The following HDAC9 variants were observed in gnomAD, a reference collection of about 807,000 sequenced individuals.
The protein encoded by HDAC9 is histone deacetylase 9.
A neutral mutation model predicts 139.4 loss-of-function variants in HDAC9; 41 were observed. That is an observed-to-expected ratio of 0.29 (90% CI 0.23 to 0.38). The LOEUF is 0.38. HDAC9 is among the 10% of genes least tolerant of loss of function. The pLI, the probability that HDAC9 is intolerant of heterozygous loss-of-function variation, is 1.00. For missense variants in HDAC9, 1,147 were observed against 1,297.0 expected (o/e 0.88, Z 1.78); for synonymous variants, 517 against 476.2 (o/e 1.09, Z -1.12).
intron 1 of HDAC9, among the ~76,000 whole-genome samples, chr7:18,090,517 C>T (rs1483553474): frequency 6.6e-6 from 1 of 152,192 alleles, no homozygotes; most frequent in Non-Finnish European, 1.5e-5. Flanking sequence ...CTGGCCTCAC[C>T]CTATCAACTA....
At chr7:18,541,489 C>T (rs1812944203) in intron 2 of HDAC9, among the ~76,000 whole-genome samples, 3 of 152,070 alleles carry the variant, frequency 2.0e-5, no homozygotes, top group Admixed American at 6.5e-5. Flanking sequence ...CTCTCTAATA[C>T]ATTCTTTCCT....
At chr7:18,686,070 A>G (rs939694937) in intron 12 of HDAC9, among the ~76,000 whole-genome samples, 2 of 151,986 alleles carry the variant, frequency 1.3e-5, no homozygotes, top group Non-Finnish European at 2.9e-5. Flanking sequence ...CTGAACTATG[A>G]TAGAGCTCAG....
At chr7:18,401,144 C>T (rs1787502240) in intron 1 of HDAC9, among the ~76,000 whole-genome samples, 2 of 152,170 alleles carry the variant, frequency 1.3e-5, no homozygotes, top group South Asian at 4.1e-4. Flanking sequence ...TTGAAAAGTG[C>T]TTTTAGTTGG....
At chr7:18,179,920 A>G (rs1455723654) in intron 2 of HDAC9, among the ~76,000 whole-genome samples, 1 of 152,080 alleles carries the variant, frequency 6.6e-6, no homozygotes, top group African/African-American at 2.4e-5. Flanking sequence ...CTCAACCGTG[A>G]CCTGTAACTA....
chr7:18,204,872 G>A (rs1426986708), intron 2 of HDAC9, among the ~76,000 whole-genome samples: 1 of 151,790 alleles, frequency 6.6e-6, no homozygotes, highest in Non-Finnish European at 1.5e-5. Flanking sequence ...TTTTCTTAGT[G>A]TTAAAGCTCA....
intron 22 of HDAC9, among the ~76,000 whole-genome samples, chr7:18,924,486 A>C (rs180674790): frequency 1.3e-5 from 2 of 152,222 alleles, no homozygotes; most frequent in East Asian, 3.9e-4. Context: ...GTAGATACTT[A>C]TCTTTTAAAA....
intron 1 of HDAC9, among the ~76,000 whole-genome samples, chr7:18,365,091 A>G (rs1271114612): frequency 6.6e-6 from 1 of 152,118 alleles, no homozygotes; most frequent in Non-Finnish European, 1.5e-5. Context: ...AAACACCTTC[A>G]TAGACTAGTG....
intron 4 of HDAC9, among the ~76,000 whole-genome samples, chr7:18,591,069 GT>G: frequency 6.6e-6 from 1 of 152,066 alleles, no homozygotes; most frequent in Non-Finnish European, 1.5e-5. Flanking sequence ...TGCTCAAAGG[GT>G]TTTTTTAAAA....
chr7:18,985,176 A>T (rs1785238137), intron 25 of HDAC9, among the ~76,000 whole-genome samples: 1 of 152,056 alleles, frequency 6.6e-6, no homozygotes, highest in African/African-American at 2.4e-5. Flanking sequence ...GCACCCACTA[A>T]TTCGTCATCT....
At chr7:18,520,286 A>C (rs1354934686) in intron 2 of HDAC9, among the ~76,000 whole-genome samples, 2 of 152,152 alleles carry the variant, frequency 1.3e-5, no homozygotes, top group East Asian at 1.9e-4. Flanking sequence ...CTTGCAGGTA[A>C]CTTTTTCTAT....
intron 1 of HDAC9, among the ~76,000 whole-genome samples, chr7:18,384,550 T>G (rs1253606576): frequency 6.6e-6 from 1 of 152,208 alleles, no homozygotes; most frequent in East Asian, 1.9e-4. Context: ...TTAGCTTATT[T>G]TTGAATTCCC....
intron 22 of HDAC9, among the ~76,000 whole-genome samples, chr7:18,900,576 G>C (rs1483305141): frequency 6.6e-6 from 1 of 152,168 alleles, no homozygotes; most frequent in Non-Finnish European, 1.5e-5. Context: ...CATTATGAGA[G>C]AGGTGTTTGC....
chr7:18,271,792 C>G (rs1220747356), intron 2 of HDAC9, among the ~76,000 whole-genome samples: 1 of 152,198 alleles, frequency 6.6e-6, no homozygotes, highest in Non-Finnish European at 1.5e-5. Context: ...TACCTGCCTT[C>G]TGCAGGAATC....
intron 2 of HDAC9, among the ~76,000 whole-genome samples, chr7:18,256,833 A>G (rs1252018737): frequency 6.6e-6 from 1 of 152,130 alleles, no homozygotes; most frequent in Non-Finnish European, 1.5e-5. Context: ...CATGCATGTA[A>G]TCCCAGCACT....
intron 1 of HDAC9, among the ~76,000 whole-genome samples, chr7:18,160,517 A>T (rs1787554484): frequency 6.6e-6 from 1 of 152,202 alleles, no homozygotes; most frequent in Non-Finnish European, 1.5e-5. Context: ...GTTACAAGTT[A>T]TCTATTAGCA....
intron 12 of HDAC9, among the ~76,000 whole-genome samples, chr7:18,701,850 T>C (rs184112857): frequency 3.3e-4 from 50 of 152,334 alleles, no homozygotes; most frequent in Middle Eastern, 3.4e-3. Context: ...TCTTCCATAT[T>C]GGAGACGCAC....
intron 1 of HDAC9, among the ~76,000 whole-genome samples, chr7:18,094,486 G>A (rs916898490): frequency 6.7e-6 from 1 of 149,650 alleles, no homozygotes; most frequent in East Asian, 1.9e-4. Context: ...TACTCCCAAG[G>A]CTGGTGTGAT....
At chr7:18,207,436 T>G (rs1363417118) in intron 2 of HDAC9, among the ~76,000 whole-genome samples, 1 of 151,578 alleles carries the variant, frequency 6.6e-6, no homozygotes, top group Non-Finnish European at 1.5e-5. Context: ...AGATAGGTTC[T>G]CACTCTATCA....
At chr7:18,935,664 CA>C in intron 22 of HDAC9, 144 bp from the exon 23 acceptor site, 1 of 702,244 alleles carries the variant, frequency 1.4e-6, no homozygotes, top group Non-Finnish European at 2.4e-6. Context: ...GGACCTAATC[CA>C]TAAAGTTATT....
Sources: gnomAD v4.1 joint callset for allele counts (sites outside exome capture counted in the v4.1 genomes callset) on GRCh38, gnomAD v4.1.1 for gene constraint, MANE v1.5 for transcripts, NCBI Gene and HGNC (gene_info 2026-07-23, HGNC 2026-07-21) for gene names.